The following NSMCE2 variants were observed in gnomAD, a reference collection of about 807,000 sequenced individuals.
NSMCE2 encodes the protein NSE2 SUMO ligase component of SMC5/6 complex.
NSMCE2 carries 24 observed loss-of-function variants against 23.8 expected under a neutral mutation model. The observed-to-expected ratio is 1.01, with a 90% CI of 0.73 to 1.42. The LOEUF is 1.42. Among genes scored for constraint, NSMCE2 ranks in the 40% most tolerant of loss-of-function variants. NSMCE2 has a pLI of 0.00. For missense variants in NSMCE2, 284 were observed against 296.5 expected (o/e 0.96, Z 0.31); for synonymous variants, 92 against 94.1 (o/e 0.98, Z 0.13).
At position 125,173,604 on chromosome 8, in the gene NSMCE2, C is replaced by T. The variant is rs553654567; in HGVS notation, c.265-8499C>T. On this transcript the variant is annotated intron_variant, in intron 4 of 7. Coordinates refer to ENST00000287437, the MANE Select transcript of NSMCE2 (RefSeq NM_173685.4). Reference sequence around the variant, plus strand: ...CACTGTTAAATCTTGAGTGAGATACCATGGTGATGAATGAGGCATTCAGTC... The same window carrying T: ...CACTGTTAAATCTTGAGTGAGATACTATGGTGATGAATGAGGCATTCAGTC... 2.0e-5 allele frequency among the ~76,000 whole-genome samples: 3 copies of T among 152,154 alleles called. No homozygotes were observed. In the South Asian group the frequency reaches 6.2e-4, roughly 32 times the overall value.
chr8:125,289,283 A>G (rs553907288), intron 5 of NSMCE2, among the ~76,000 whole-genome samples: 54 of 152,336 alleles, frequency 3.5e-4, no homozygotes, highest in Non-Finnish European at 7.1e-4. Context: ...TCACTCATGC[A>G]GCTGTTGCAG....
intron 5 of NSMCE2, among the ~76,000 whole-genome samples, chr8:125,352,728 T>C (rs556650581): frequency 1.8e-4 from 27 of 152,354 alleles, no homozygotes; most frequent in Admixed American, 1.6e-3. Flanking sequence ...TTCTCTCCCA[T>C]CTTCCTTTTA....
chr8:125,111,664 G>A (rs534523803), intron 3 of NSMCE2, among the ~76,000 whole-genome samples: 40 of 152,258 alleles, frequency 2.6e-4, no homozygotes, highest in East Asian at 1.4e-3. Flanking sequence ...GCTGGGTGTG[G>A]TGGTGTGTGC....
intron 5 of NSMCE2, among the ~76,000 whole-genome samples, chr8:125,214,329 C>T (rs1824481986): frequency 6.6e-6 from 1 of 152,104 alleles, no homozygotes; most frequent in Non-Finnish European, 1.5e-5. Context: ...TAGGGAATAG[C>T]AGTAGCATCC....
chr8:125,231,143 C>T (rs1825304421), intron 5 of NSMCE2, among the ~76,000 whole-genome samples: 1 of 152,080 alleles, frequency 6.6e-6, no homozygotes, highest in South Asian at 2.1e-4. Context: ...GTAGAATAAA[C>T]CTTACAGTCC....
intron 3 of NSMCE2, among the ~76,000 whole-genome samples, chr8:125,112,672 A>G (rs1818823417): frequency 2.0e-5 from 3 of 152,020 alleles, no homozygotes; most frequent in Admixed American, 2.0e-4. Flanking sequence ...TCTCACTCGT[A>G]TGTGGAATCT....
At chr8:125,341,577 G>T (rs1830246547) in intron 5 of NSMCE2, among the ~76,000 whole-genome samples, 1 of 149,402 alleles carries the variant, frequency 6.7e-6, no homozygotes, top group Non-Finnish European at 1.5e-5. Context: ...TCATCTGTTA[G>T]TTTTTTTTTT....
chr8:125,163,119 C>G lies in NSMCE2; in HGVS notation c.264+11842C>G, dbSNP rs572351024. On this transcript the variant is annotated intron_variant, in intron 4 of 7. Transcript: ENST00000287437. ...TGGTGGCTCACACTTGTAATCCCAA[C>G]ACTTTGGGAGGCCGAGGTGGGAGGA... 5.0e-4 allele frequency among the ~76,000 whole-genome samples: 76 copies of G among 152,288 alleles called. 1 individual carries two copies. Among genetic ancestry groups the G allele is most frequent in the African/African-American group, 1.8e-3 (74 of 41,544 alleles).
chr8:125,226,236 C>T (rs567806865), intron 5 of NSMCE2, among the ~76,000 whole-genome samples: 1 of 152,134 alleles, frequency 6.6e-6, no homozygotes, highest in Admixed American at 6.5e-5. Flanking sequence ...ATTCTCATGG[C>T]CCAGTCATTG....
At chr8:125,297,999 G>T (rs952668652) in intron 5 of NSMCE2, among the ~76,000 whole-genome samples, 1 of 152,190 alleles carries the variant, frequency 6.6e-6, no homozygotes, top group Non-Finnish European at 1.5e-5. Context: ...GTGGTGCAAT[G>T]CCTGTAATCC....
At chr8:125,128,833 C>T (rs2130547062) in intron 3 of NSMCE2, among the ~76,000 whole-genome samples, 1 of 152,278 alleles carries the variant, frequency 6.6e-6, no homozygotes, top group South Asian at 2.1e-4. Flanking sequence ...AATAACGGGC[C>T]TTGTGATTAC....
chr8:125,266,092 CTTT>C (rs71295827), intron 5 of NSMCE2, among the ~76,000 whole-genome samples: 2 of 132,408 alleles, frequency 1.5e-5, no homozygotes, highest in Non-Finnish European at 1.6e-5. Context: ...CAAATTTTTT[CTTT>C]TTTTTTTTTT....
intron 5 of NSMCE2, among the ~76,000 whole-genome samples, chr8:125,291,324 A>G (rs1312725238): frequency 6.6e-6 from 1 of 152,246 alleles, no homozygotes; most frequent in Non-Finnish European, 1.5e-5. Flanking sequence ...ATGGGTTGCT[A>G]AAAGGTTGCT....
At chr8:125,165,293 T>G (rs193192136) in intron 4 of NSMCE2, among the ~76,000 whole-genome samples, 14 of 152,368 alleles carry the variant, frequency 9.2e-5, no homozygotes, top group African/African-American at 3.1e-4. Flanking sequence ...AAATATTAAT[T>G]GCCTCTTTTC....
chr8:125,161,725 A>G (rs1821637269), intron 4 of NSMCE2, among the ~76,000 whole-genome samples: 5 of 150,014 alleles, frequency 3.3e-5, no homozygotes, highest in Admixed American at 2.7e-4. Flanking sequence ...TGAACCCAGG[A>G]GGGTTGCAGT....
intron 5 of NSMCE2, among the ~76,000 whole-genome samples, chr8:125,289,132 A>G (rs953354971): frequency 6.6e-5 from 10 of 152,314 alleles, no homozygotes; most frequent in Admixed American, 3.9e-4. Flanking sequence ...TCCAAGGCCT[A>G]CAGCAGTACC....
intron 5 of NSMCE2, among the ~76,000 whole-genome samples, chr8:125,203,397 C>G (rs1233890312): frequency 6.6e-6 from 1 of 152,154 alleles, no homozygotes; most frequent in East Asian, 1.9e-4. Context: ...TAGGGAGAAG[C>G]TTTTACTGAG....
At chr8:125,213,627 CTT>C (rs1379093835) in intron 5 of NSMCE2, among the ~76,000 whole-genome samples, 2 of 144,080 alleles carry the variant, frequency 1.4e-5, no homozygotes, top group South Asian at 2.3e-4. Flanking sequence ...CTTATTTTCT[CTT>C]TCTCTTTTTA....
intron 3 of NSMCE2, among the ~76,000 whole-genome samples, chr8:125,133,085 G>T (rs925247652): frequency 6.6e-6 from 1 of 152,198 alleles, no homozygotes; most frequent in Middle Eastern, 3.4e-3. Flanking sequence ...TATCTTCAGT[G>T]TCTCTATGAA....
Sources: allele counts gnomAD v4.1 joint callset (sites outside exome capture counted in the v4.1 genomes callset), GRCh38; gene constraint gnomAD v4.1.1; transcripts MANE v1.5; gene names NCBI Gene and HGNC (gene_info 2026-07-23, HGNC 2026-07-21).